The following SEMA5A variants were observed in gnomAD, a reference collection of about 807,000 sequenced individuals.
The protein encoded by SEMA5A is semaphorin-5A.
Under a neutral mutation model 135.5 loss-of-function variants are expected in SEMA5A, and 55 were observed. That is an observed-to-expected ratio of 0.41 (90% CI 0.33 to 0.51). The LOEUF is 0.51. SEMA5A is among the 20% of genes least tolerant of loss of function. The probability of loss-of-function intolerance (pLI) is 0.37; values close to 1 mark genes in which losing one functional copy is unlikely to be tolerated. For missense variants in SEMA5A, 1,290 were observed against 1,419.9 expected, an observed-to-expected ratio of 0.91 and a Z score of 1.47; for synonymous variants, 580 against 546.5, an observed-to-expected ratio of 1.06 and a Z score of -0.85.
intron 1 of SEMA5A, among the ~76,000 whole-genome samples, chr5:9,489,985 G>C (rs181707812): frequency 3.9e-5 from 6 of 152,100 alleles, no homozygotes; most frequent in Non-Finnish European, 4.4e-5. Context: ...AAGTTGGCAG[G>C]CTAGCTGAAA....
chr5:9,104,730 C>T (rs1020318132), intron 16 of SEMA5A, among the ~76,000 whole-genome samples: 2 of 152,190 alleles, frequency 1.3e-5, no homozygotes, highest in Non-Finnish European at 2.9e-5. Context: ...ACCCACCACC[C>T]TGCTCCTTCC....
At position 9,036,384 on chromosome 5, in the gene SEMA5A, ATGT is replaced by A. The variant is rs1368689660; in HGVS notation, c.*6510_*6512del. The A allele has an allele frequency of 1.3e-5, 2 of 151,558 alleles. No homozygotes were observed. Among genetic ancestry groups the A allele is most frequent in the East Asian group, 3.9e-4 (2 of 5,192 alleles). The allele number at this position is 151,558 out of a possible 1,614,324, so 9.4% of individuals were successfully genotyped here. A position where few individuals can be genotyped will look rare whatever the true frequency, so the allele number is the denominator to read the frequency against. ...ATATAAACTTAAAAATAATCAGGCA[ATGT>A]TGTAGGTGGTTCTCATTCCATGCTC... On this transcript the variant is annotated 3_prime_UTR_variant, in exon 23 of 23. Coordinates refer to ENST00000382496, the MANE Select transcript of SEMA5A (RefSeq NM_003966.3).
At chr5:9,310,301 TATAGGCCAACGAC>T (rs1399020395) in intron 5 of SEMA5A, among the ~76,000 whole-genome samples, 1 of 152,154 alleles carries the variant, frequency 6.6e-6, no homozygotes, top group African/African-American at 2.4e-5. Flanking sequence ...TAACTATTAT[TATAGGCCAACGAC>T]ATGCAAATGA....
intron 5 of SEMA5A, among the ~76,000 whole-genome samples, chr5:9,262,914 A>C (rs1326829043): frequency 1.3e-5 from 2 of 149,228 alleles, no homozygotes; most frequent in African/African-American, 4.9e-5. Context: ...AAAAATTAAA[A>C]AAAAAAAGAA....
At chr5:9,331,991 A>AGTCAAGGG (rs1753156094) in intron 4 of SEMA5A, among the ~76,000 whole-genome samples, 1 of 152,274 alleles carries the variant, frequency 6.6e-6, no homozygotes, top group Non-Finnish European at 1.5e-5. Flanking sequence ...TGTAATGGTA[A>AGTCAAGGG]GTCAAGGGGT....
chr5:9,272,260 G>A (rs376240871), intron 5 of SEMA5A, among the ~76,000 whole-genome samples: 21 of 152,094 alleles, frequency 1.4e-4, no homozygotes, highest in Non-Finnish European at 1.8e-4. Flanking sequence ...TGGGAAGTTC[G>A]AACTGAGTGG....
chr5:9,230,822 G>A (rs1184545328), intron 6 of SEMA5A, among the ~76,000 whole-genome samples: 2 of 152,180 alleles, frequency 1.3e-5, no homozygotes, highest in African/African-American at 4.8e-5. Context: ...ATAACAGTAG[G>A]TGTGCTCATT....
intron 2 of SEMA5A, among the ~76,000 whole-genome samples, chr5:9,427,369 C>A (rs1250562201): frequency 6.6e-6 from 1 of 152,100 alleles, no homozygotes; most frequent in African/African-American, 2.4e-5. Flanking sequence ...ATAAAGTAAA[C>A]ATACAACTAC....
intron 13 of SEMA5A, among the ~76,000 whole-genome samples, chr5:9,126,558 A>AT (rs1344991305): frequency 2.0e-5 from 3 of 148,282 alleles, no homozygotes; most frequent in Non-Finnish European, 4.5e-5. Context: ...AATGACAGCA[A>AT]AAAAAAAAAA....
intron 3 of SEMA5A, among the ~76,000 whole-genome samples, chr5:9,341,674 T>TATATATATAATATATATAATATATA (rs975557445): frequency 2.2e-4 from 5 of 22,870 alleles, no homozygotes; most frequent in Admixed American, 4.7e-4. Context: ...ATAATATATA[T>TATATATATAATATATATAATATATA]TATATATATA....
At position 9,159,275 on chromosome 5, in the gene SEMA5A, G is replaced by T. The variant is rs374863733; in HGVS notation, c.1274-4580C>A. Among the ~76,000 whole-genome samples, 4 of 152,166 alleles carry T rather than the reference G, an allele frequency of 2.6e-5. No individual in the cohort carries two copies. In the East Asian group the frequency reaches 7.7e-4, roughly 29 times the overall value. ...AATGAAATAAAGGATTATAACAATG[G>T]ACTCCACAGTGAACATTAATTATAA... On this transcript the variant is annotated intron_variant, in intron 11 of 22. Coordinates refer to ENST00000382496, the MANE Select transcript of SEMA5A (RefSeq NM_003966.3).
intron 2 of SEMA5A, among the ~76,000 whole-genome samples, chr5:9,391,984 T>C (rs1756180724): frequency 6.6e-6 from 1 of 152,146 alleles, no homozygotes; most frequent in African/African-American, 2.4e-5. Flanking sequence ...CACACACATA[T>C]GCACATGCAC....
At chr5:9,352,884 C>T (rs1334381178) in intron 3 of SEMA5A, among the ~76,000 whole-genome samples, 1 of 151,954 alleles carries the variant, frequency 6.6e-6, no homozygotes, top group Non-Finnish European at 1.5e-5. Context: ...ATTTGACCTG[C>T]AAGGGCCAAA....
At chr5:9,071,822 T>C (rs554839182) in intron 16 of SEMA5A, among the ~76,000 whole-genome samples, 31 of 152,348 alleles carry the variant, frequency 2.0e-4, no homozygotes, top group Admixed American at 6.5e-4. Flanking sequence ...TATCAAGTTC[T>C]CTTTCAGTAA....
chr5:9,206,242 T>C (rs537826598), intron 8 of SEMA5A, among the ~76,000 whole-genome samples: 27 of 152,304 alleles, frequency 1.8e-4, no homozygotes, highest in Admixed American at 6.5e-4. Flanking sequence ...GCACGTCAGC[T>C]GCTGTGTAAA....
intron 15 of SEMA5A, among the ~76,000 whole-genome samples, chr5:9,109,338 C>T (rs1177331157): frequency 2.0e-5 from 3 of 152,140 alleles, no homozygotes; most frequent in Admixed American, 2.0e-4. Flanking sequence ...CCGCGCCCAG[C>T]CTTCTCTTCA....
At chr5:9,104,146 G>A (rs1427135071) in intron 16 of SEMA5A, among the ~76,000 whole-genome samples, 1 of 152,172 alleles carries the variant, frequency 6.6e-6, no homozygotes, top group South Asian at 2.1e-4. Context: ...TGCTGGTCCA[G>A]TCCCCCACTG....
intron 10 of SEMA5A, 69 bp downstream of exon 10, chr5:9,197,099 T>C: frequency 6.3e-7 from 1 of 1,597,876 alleles, no homozygotes. Context: ...TACCCTTGCC[T>C]GTCTACACAA....
intron 1 of SEMA5A, among the ~76,000 whole-genome samples, chr5:9,443,501 C>T (rs1281660550): frequency 6.6e-6 from 1 of 152,122 alleles, no homozygotes; most frequent in African/African-American, 2.4e-5. Flanking sequence ...TTTCCTTCAA[C>T]TTTTGTTAAA....
Sources: allele counts gnomAD v4.1 joint callset (sites outside exome capture counted in the v4.1 genomes callset), GRCh38; gene constraint gnomAD v4.1.1; transcripts MANE v1.5; gene names NCBI Gene and HGNC (gene_info 2026-07-23, HGNC 2026-07-21).